Variants in CNTLN observed in about 807,000 individuals in gnomAD.
The protein encoded by CNTLN is centlein.
CNTLN carries 212 observed loss-of-function variants against 180.0 expected under a neutral mutation model. That is an observed-to-expected ratio of 1.18 (90% CI 1.05 to 1.32). CNTLN has a LOEUF of 1.32. Among genes scored for constraint, CNTLN ranks in the 40% most tolerant of loss-of-function variants. The pLI, the probability that CNTLN is intolerant of heterozygous loss-of-function variation, is 0.00. For missense variants in CNTLN, 2,095 were observed against 1,610.9 expected (o/e 1.30, Z -5.14); for synonymous variants, 722 against 563.1 (o/e 1.28, Z -3.99).
intron 12 of CNTLN, among the ~76,000 whole-genome samples, chr9:17,344,049 T>G (rs1821691248): frequency 6.6e-6 from 1 of 152,202 alleles, no homozygotes; most frequent in Admixed American, 6.5e-5. Context: ...CTTCTGTCTC[T>G]AAAAAAGAAA....
chr9:17,508,119 C>G (rs1007821131), downstream of CNTLN, among the ~76,000 whole-genome samples: 1 of 150,188 alleles, frequency 6.7e-6, no homozygotes, highest in Non-Finnish European at 1.5e-5. Context: ...ATACAACCCT[C>G]TGTGTTCTTC....
At chr9:17,448,844 A>G (rs1395801685) in intron 18 of CNTLN, among the ~76,000 whole-genome samples, 3 of 152,232 alleles carry the variant, frequency 2.0e-5, no homozygotes, top group Non-Finnish European at 4.4e-5. Context: ...AAAGTGGTGA[A>G]TAGTAAATAG....
chr9:17,263,554 AC>A (rs1439098394), intron 5 of CNTLN, among the ~76,000 whole-genome samples: 1 of 151,578 alleles, frequency 6.6e-6, no homozygotes, highest in African/African-American at 2.4e-5. Context: ...TTGGGTGTAT[AC>A]CCAGTAATGG....
intron 6 of CNTLN, among the ~76,000 whole-genome samples, chr9:17,288,122 C>T (rs1162596624): frequency 7.7e-6 from 1 of 129,862 alleles, no homozygotes; most frequent in East Asian, 2.3e-4. Flanking sequence ...TTGGATCTTT[C>T]CTGCTTTCTC....
chr9:17,140,022 G>C (rs1354192836), intron 1 of CNTLN, among the ~76,000 whole-genome samples: 1 of 152,146 alleles, frequency 6.6e-6, no homozygotes, highest in Non-Finnish European at 1.5e-5. Flanking sequence ...TATTTAAAAA[G>C]AACATCTTTA....
At chr9:17,177,371 T>C (rs895487794) in intron 2 of CNTLN, among the ~76,000 whole-genome samples, 6 of 151,990 alleles carry the variant, frequency 3.9e-5, no homozygotes, top group African/African-American at 1.5e-4. Context: ...ATTGTGCCAC[T>C]GCACTCCAGC....
intron 18 of CNTLN, among the ~76,000 whole-genome samples, chr9:17,445,334 G>T (rs1490640104): frequency 3.3e-5 from 5 of 151,968 alleles, no homozygotes; most frequent in Non-Finnish European, 5.9e-5. Context: ...TACAACCAAC[G>T]AGAGACATAC....
At chr9:17,410,769 A>G (rs941810392) in intron 16 of CNTLN, among the ~76,000 whole-genome samples, 38 of 152,036 alleles carry the variant, frequency 2.5e-4, no homozygotes, top group African/African-American at 9.2e-4. Context: ...TTTCCCCAAT[A>G]TTTGTCATTA....
At chr9:17,223,321 G>C (rs1384375314) in intron 2 of CNTLN, among the ~76,000 whole-genome samples, 1 of 151,992 alleles carries the variant, frequency 6.6e-6, no homozygotes, top group Admixed American at 6.6e-5. Context: ...ACGGTATTTG[G>C]ATGACTCCTA....
chr9:17,522,081 A>T, the CNTLN span, among the ~76,000 whole-genome samples: 1 of 152,108 alleles, frequency 6.6e-6, no homozygotes, highest in Non-Finnish European at 1.5e-5. Flanking sequence ...ATTTTCTGCT[A>T]TACTTTGCTA....
chr9:17,452,393 G>A (rs1432322198), intron 18 of CNTLN, among the ~76,000 whole-genome samples: 1 of 152,170 alleles, frequency 6.6e-6, no homozygotes, highest in East Asian at 1.9e-4. Flanking sequence ...AGTGGTCATA[G>A]ATCTAAGCTA....
intron 18 of CNTLN, among the ~76,000 whole-genome samples, chr9:17,426,972 A>G (rs1829125779): frequency 6.6e-6 from 1 of 152,196 alleles, no homozygotes; most frequent in Admixed American, 6.6e-5. Flanking sequence ...CATTCCCAGT[A>G]GAGATAACTG....
At chr9:17,138,514 G>A (rs1817870983) in intron 1 of CNTLN, among the ~76,000 whole-genome samples, 1 of 152,184 alleles carries the variant, frequency 6.6e-6, no homozygotes, top group African/African-American at 2.4e-5. Context: ...AAATTTAGAT[G>A]TGTTAAAACT....
chr9:17,485,675 G>T (rs2134322775), intron 24 of CNTLN, among the ~76,000 whole-genome samples: 1 of 152,148 alleles, frequency 6.6e-6, no homozygotes, highest in East Asian at 1.9e-4. Context: ...AAAACACACA[G>T]ATTTAGCACA....
intron 12 of CNTLN, among the ~76,000 whole-genome samples, chr9:17,352,403 TATATATATATATA>T (rs1440712121): frequency 1.5e-4 from 9 of 61,564 alleles, no homozygotes; most frequent in South Asian, 4.7e-4. Flanking sequence ...TATATATATA[TATATATATATATA>T]TTTTTTTTTT....
At chr9:17,307,972 CCACACACACACACACACACACACA>C (rs3837233) in intron 7 of CNTLN, among the ~76,000 whole-genome samples, 6 of 137,816 alleles carry the variant, frequency 4.4e-5, no homozygotes, top group East Asian at 2.1e-4. Flanking sequence ...GCCTTTAAAA[CCACACACACACACACACACACACA>C]CACACACACA....
intron 12 of CNTLN, among the ~76,000 whole-genome samples, chr9:17,355,946 C>T (rs1402847471): frequency 6.6e-6 from 1 of 151,668 alleles, no homozygotes; most frequent in Non-Finnish European, 1.5e-5. Context: ...CGCCTGTAGT[C>T]CCAGCTACTC....
chr9:17,149,959 G>A (rs1340427665), intron 2 of CNTLN, among the ~76,000 whole-genome samples: 1 of 152,188 alleles, frequency 6.6e-6, no homozygotes, highest in Admixed American at 6.5e-5. Context: ...TTTCTTGTGA[G>A]AAGTGTCTGT....
At chr9:17,305,516 G>T (rs1304449422) in intron 7 of CNTLN, among the ~76,000 whole-genome samples, 2 of 122,296 alleles carry the variant, frequency 1.6e-5, no homozygotes, top group Admixed American at 1.6e-4. Flanking sequence ...ACTCACTTGA[G>T]CACTGTTTTT....
Sources: gnomAD v4.1 joint callset for allele counts (sites outside exome capture counted in the v4.1 genomes callset) on GRCh38, gnomAD v4.1.1 for gene constraint, MANE v1.5 for transcripts, NCBI Gene and HGNC (gene_info 2026-07-23, HGNC 2026-07-21) for gene names.